Variants in PITPNA observed in about 807,000 individuals in gnomAD.
PITPNA encodes the protein phosphatidylinositol transfer protein alpha.
A neutral mutation model predicts 50.3 loss-of-function variants in PITPNA; 13 were observed. The ratio of observed to expected loss-of-function variants is 0.26; its 90% confidence interval spans 0.17 to 0.41. The LOEUF (loss-of-function observed/expected upper bound fraction) is 0.41. PITPNA is among the 10% of genes least tolerant of loss of function. The probability of loss-of-function intolerance (pLI) is 1.00; values close to 1 mark genes in which losing one functional copy is unlikely to be tolerated. For missense variants in PITPNA, 207 were observed against 333.4 expected, an observed-to-expected ratio of 0.62 and a Z score of 2.95; for synonymous variants, 120 against 119.6, an observed-to-expected ratio of 1.00 and a Z score of -0.02.
intron 2 of PITPNA, among the ~76,000 whole-genome samples, chr17:1,557,276 C>A (rs1468337157): frequency 6.6e-6 from 1 of 152,206 alleles, no homozygotes; most frequent in African/African-American, 2.4e-5. Context: ...TCTGCCCACC[C>A]CTCTCGGGGG....
intron 6 of PITPNA, among the ~76,000 whole-genome samples, chr17:1,540,438 G>A (rs1489963723): frequency 6.6e-6 from 1 of 152,088 alleles, no homozygotes; most frequent in Non-Finnish European, 1.5e-5. Flanking sequence ...TATGAAGGGC[G>A]GCATGCACAC....
chr17:1,548,421 A>G, intron 3 of PITPNA, 34 bp from the exon 4 acceptor site: 1 of 1,439,964 alleles, frequency 6.9e-7, no homozygotes. Flanking sequence ...ATAAAGAGAA[A>G]TGGTAGAGAG....
chr17:1,539,279 C>T (rs1470848652), intron 6 of PITPNA, among the ~76,000 whole-genome samples: 3 of 151,660 alleles, frequency 2.0e-5, no homozygotes, highest in African/African-American at 4.9e-5. Flanking sequence ...TGCCTGGGAC[C>T]GAGGGATCCT....
rs781701400 is a variant in PITPNA at position 1,538,921 on chromosome 17, T to A, written c.404A>T (p.His135Leu). 26 of 1,613,716 alleles carry A rather than the reference T, an allele frequency of 1.6e-5. No homozygotes were observed. Among genetic ancestry groups the A allele is most frequent in the Non-Finnish European group, 2.2e-5 (26 of 1,179,724 alleles). Residue 135 changes from histidine (H) to leucine (L), a missense_variant, in exon 7 of 12, where the codon CAC becomes CTC. Transcript: ENST00000313486. Reference protein sequence around the residue: ...VHKLEPEAWKHVEAVYIDIAD... With the variant: ...VHKLEPEAWKLVEAVYIDIAD... Reference sequence around the variant, plus strand: ...AATGTCTATATATACGGCTTCCACGTGTTTCCACGCCTCAGGCTCCAGCTT... The same window carrying A: ...AATGTCTATATATACGGCTTCCACGAGTTTCCACGCCTCAGGCTCCAGCTT...
intron 4 of PITPNA, among the ~76,000 whole-genome samples, chr17:1,545,400 G>C (rs1008399304): frequency 3.9e-5 from 6 of 152,200 alleles, no homozygotes; most frequent in African/African-American, 1.4e-4. Context: ...TCAGCCCCCA[G>C]AGGGAACTGG....
chr17:1,521,847 C>G (rs2075514941), intron 10 of PITPNA, among the ~76,000 whole-genome samples: 1 of 149,100 alleles, frequency 6.7e-6, no homozygotes, highest in Non-Finnish European at 1.5e-5. Flanking sequence ...ATTTCTAGTT[C>G]TCTCGTGTCA....
intron 6 of PITPNA, among the ~76,000 whole-genome samples, chr17:1,539,987 T>C (rs1449484622): frequency 6.6e-6 from 1 of 152,250 alleles, no homozygotes; most frequent in East Asian, 1.9e-4. Context: ...TCCACCCGCC[T>C]TGGCCTCCCG....
chr17:1,559,845 G>C, intron 1 of PITPNA: 7 of 844,196 alleles, frequency 8.3e-6, no homozygotes, highest in Non-Finnish European at 1.0e-5. Flanking sequence ...CCTTCCTCCA[G>C]AGCAACTCAA....
chr17:1,534,190 C>CTG lies in PITPNA; in HGVS notation c.675_676dup (p.Arg226ThrfsTer14). 1 of 1,613,952 alleles carries CTG rather than the reference C, an allele frequency of 6.2e-7. No individual in the cohort carries two copies. The highest frequency in any genetic ancestry group is 8.5e-7 in the Non-Finnish European group (1 of 1,179,862). ...CTTATCGAGCCAACAGAACAGCTGCCTGTGGAAGTTTGTAAACAGACGCCT... is the reference window on the plus strand; with the variant it reads ...CTTATCGAGCCAACAGAACAGCTGCCTGTGTGGAAGTTTGTAAACAGACGCCT... On this transcript the variant is annotated frameshift_variant, in exon 10 of 12. Transcript: ENST00000313486. LOFTEE classifies it high-confidence loss of function.
intron 9 of PITPNA, 60 bp downstream of exon 9, chr17:1,535,122 C>T (rs1037569448): frequency 1.9e-6 from 2 of 1,070,532 alleles, no homozygotes; most frequent in African/African-American, 3.1e-5. Context: ...TGAAGTTCTC[C>T]ACCACCCCCC....
rs999919312 is a variant in PITPNA at position 1,519,658 on chromosome 17, G to T, written c.*903C>A. The T allele has an allele frequency of 2.6e-5, 4 of 152,872 alleles. No homozygotes were observed. Among genetic ancestry groups the T allele is most frequent in the East Asian group, 1.9e-4 (1 of 5,184 alleles). 9.5% of individuals were successfully genotyped at this position (152,872 alleles called of 1,614,324 possible). ...ACCTAAGAAAGCACAGAGAAAAGAG[G>T]ATTATTGCTGAGTGGCAGCACCAGC... On this transcript the variant is annotated 3_prime_UTR_variant, in exon 12 of 12. Coordinates refer to ENST00000313486, the MANE Select transcript of PITPNA (RefSeq NM_006224.4).
intron 10 of PITPNA, among the ~76,000 whole-genome samples, chr17:1,528,526 C>G (rs560312645): frequency 1.2e-3 from 175 of 152,160 alleles, no homozygotes; most frequent in Middle Eastern, 6.8e-3. Context: ...GTGGGAGGAT[C>G]ACTTGAGACC....
intron 10 of PITPNA, among the ~76,000 whole-genome samples, chr17:1,524,319 C>T (rs1472871040): frequency 1.3e-5 from 2 of 149,202 alleles, no homozygotes; most frequent in Non-Finnish European, 3.0e-5. Context: ...GCTGGGATTA[C>T]AGGCGTGAGC....
Position 1,535,246 on chromosome 17 carries a change from T to C in PITPNA, c.581A>G (p.Lys194Arg). 1.2e-6 allele frequency: 2 copies of C among 1,613,950 alleles called. No individual in the cohort carries two copies. The highest frequency in any genetic ancestry group is 1.7e-6 in the Non-Finnish European group (2 of 1,179,770). The change falls in exon 9 of 12, where the codon AAA becomes AGA. Residue 194 changes from lysine (K) to arginine (R), a missense_variant. Coordinates refer to ENST00000313486, the MANE Select transcript of PITPNA (RefSeq NM_006224.4). ...CCACTTGAACTTGACGGTCACCAGT[T>C]TGTATGCACACATATATGGGCAGTC... ...QKDCPYMCAY[K>R]LVTVKFKWWG...
intron 10 of PITPNA, among the ~76,000 whole-genome samples, chr17:1,528,533 G>C (rs1158263182): frequency 6.6e-6 from 1 of 152,148 alleles, no homozygotes; most frequent in East Asian, 1.9e-4. Context: ...GATCACTTGA[G>C]ACCAGTAATT....
chr17:1,532,390 A>G (rs1313251166), intron 10 of PITPNA, among the ~76,000 whole-genome samples: 1 of 150,026 alleles, frequency 6.7e-6, no homozygotes, highest in Non-Finnish European at 1.5e-5. Context: ...CCTGGCCGAG[A>G]AAGATTTTCA....
chr17:1,551,264 T>C (rs1322752894), intron 3 of PITPNA, among the ~76,000 whole-genome samples: 1 of 151,346 alleles, frequency 6.6e-6, no homozygotes, highest in Non-Finnish European at 1.5e-5. Flanking sequence ...CAGTCACTGC[T>C]GGCCTTTTCT....
At chr17:1,547,479 G>A (rs1318457281) in intron 4 of PITPNA, among the ~76,000 whole-genome samples, 2 of 151,996 alleles carry the variant, frequency 1.3e-5, no homozygotes, top group African/African-American at 2.4e-5. Flanking sequence ...GTGAAACACC[G>A]TCTCTACTAA....
intron 10 of PITPNA, among the ~76,000 whole-genome samples, chr17:1,525,828 A>G (rs1476170564): frequency 6.6e-6 from 1 of 152,182 alleles, no homozygotes; most frequent in African/African-American, 2.4e-5. Flanking sequence ...AGCTTGTCAT[A>G]TTTTTAAAAG....
Sources: allele counts gnomAD v4.1 joint callset (sites outside exome capture counted in the v4.1 genomes callset), GRCh38; gene constraint gnomAD v4.1.1; transcripts MANE v1.5; gene names NCBI Gene and HGNC (gene_info 2026-07-23, HGNC 2026-07-21).